Variants in KCNH7 observed in about 807,000 individuals in gnomAD.
KCNH7 encodes the protein voltage-gated inwardly rectifying potassium channel KCNH7.
A neutral mutation model predicts 120.8 loss-of-function variants in KCNH7; 49 were observed. The ratio of observed to expected loss-of-function variants is 0.41; its 90% confidence interval spans 0.32 to 0.51. The LOEUF (loss-of-function observed/expected upper bound fraction) is 0.51. Among genes scored for constraint, KCNH7 ranks in the 20% least tolerant of loss-of-function variants. The pLI is 0.38. For synonymous variants in KCNH7, 547 were observed against 516.1 expected, an observed-to-expected ratio of 1.06 and a Z score of -0.81; for missense variants, 1,097 against 1,446.6, an observed-to-expected ratio of 0.76 and a Z score of 3.92.
chr2:162,790,796 A>G (rs1180837174), intron 2 of KCNH7, among the ~76,000 whole-genome samples: 1 of 152,144 alleles, frequency 6.6e-6, no homozygotes, highest in East Asian at 1.9e-4. Context: ...TTCATAATAA[A>G]AACTCAACAA....
intron 2 of KCNH7, among the ~76,000 whole-genome samples, chr2:162,652,349 A>C (rs1167745168): frequency 6.6e-6 from 1 of 152,130 alleles, no homozygotes; most frequent in African/African-American, 2.4e-5. Flanking sequence ...ATTTTGAAAA[A>C]CAAGTATACA....
chr2:162,682,315 C>G (rs1036163554), intron 2 of KCNH7, among the ~76,000 whole-genome samples: 3 of 151,728 alleles, frequency 2.0e-5, no homozygotes, highest in Admixed American at 6.6e-5. Context: ...AAATCTGTCT[C>G]TCAAAGTTAG....
chr2:162,533,190 C>T (rs964437978), intron 3 of KCNH7, among the ~76,000 whole-genome samples: 6 of 151,406 alleles, frequency 4.0e-5, no homozygotes, highest in East Asian at 2.0e-4. Flanking sequence ...AAAAAAACCC[C>T]GAAACCAGAA....
At chr2:162,743,204 G>A (rs1688199067) in intron 2 of KCNH7, among the ~76,000 whole-genome samples, 1 of 152,138 alleles carries the variant, frequency 6.6e-6, no homozygotes, top group South Asian at 2.1e-4. Context: ...TCTGGCAAGT[G>A]GAACTGAATG....
intron 2 of KCNH7, among the ~76,000 whole-genome samples, chr2:162,742,678 T>C: frequency 6.6e-6 from 1 of 152,196 alleles, no homozygotes; most frequent in East Asian, 1.9e-4. Flanking sequence ...CTTATCCTTT[T>C]CACTCTGCAT....
chr2:162,668,837 C>T (rs1050159123), intron 2 of KCNH7, among the ~76,000 whole-genome samples: 5 of 151,996 alleles, frequency 3.3e-5, no homozygotes, highest in African/African-American at 4.8e-5. Flanking sequence ...TAAAAACCAT[C>T]GTAAGTACAT....
intron 3 of KCNH7, among the ~76,000 whole-genome samples, chr2:162,535,790 T>C (rs899815779): frequency 7.2e-5 from 11 of 151,746 alleles, no homozygotes; most frequent in Admixed American, 5.9e-4. Context: ...ATTTATTGTA[T>C]ATATAAACTG....
In KCNH7 at chr2:162,432,984, A is replaced by G. The variant is rs140980483; in HGVS notation, c.1954+2214T>C. Among the ~76,000 whole-genome samples, 23 of 152,144 alleles carry G rather than the reference A, an allele frequency of 1.5e-4. No individual in the cohort carries two copies. The East Asian group carries it at 4.4e-3, about 29-fold the overall frequency. On this transcript the variant is annotated intron_variant, in intron 8 of 15. Transcript: ENST00000332142. ...GAATCAATGTGCAAAAATTAGTAGC[A>G]TTTCATGAACCAATAATGTTCCAAA...
rs202010096 is a variant in KCNH7, at chr2:162,379,956, A to G, written c.3028T>C (p.Ser1010Pro). 5 of 1,614,058 alleles carry G rather than the reference A, an allele frequency of 3.1e-6. No individual in the cohort carries two copies. The East Asian group carries it at 6.7e-5, about 22-fold the overall frequency. Residue 1010 changes from serine (S) to proline (P), a missense_variant, in exon 14 of 16, where the codon TCT becomes CCT. Around this residue, in one of 8 missense-constraint regions of KCNH7, gnomAD observed 406 missense variants for 410.5 expected, o/e 0.99. Transcript: ENST00000332142. ...CCCCAGGCAGCTCGCTGAAGTGCAG[A>G]TGGACTGGAGTCTTCAGGCTGGGGA... Reference protein sequence around the residue: ...AHPQPEDSSPSALQRAAWGIS... With the variant: ...AHPQPEDSSPPALQRAAWGIS...
Position 162,492,805 on chromosome 2 carries a change from T to C in KCNH7, c.1128+11638A>G, listed in dbSNP as rs549722597. On this transcript the variant is annotated intron_variant, in intron 6 of 15. Coordinates refer to ENST00000332142, the MANE Select transcript of KCNH7 (RefSeq NM_033272.4). ...AAAGTGTACTCAATTTAATTAAAAA[T>C]GGATCTCCAAGCTATAGATATATCT... Among the ~76,000 whole-genome samples the C allele has an allele frequency of 2.0e-5, 3 of 150,380 alleles. No homozygotes were observed. In the East Asian group the frequency reaches 5.9e-4, roughly 30 times the overall value.
chr2:162,481,965 CATCTATCTATCT>C (rs35463005), intron 6 of KCNH7, among the ~76,000 whole-genome samples: 1 of 151,098 alleles, frequency 6.6e-6, no homozygotes, highest in Non-Finnish European at 1.5e-5. Context: ...ATCTATCTAT[CATCTATCTATCT>C]ATCTATCTAT....
chr2:162,517,754 A>C lies in KCNH7; in HGVS notation c.868T>G (p.Phe290Val). Reference protein sequence around the residue: ...EGFGVHPKNIFRDRHASEDNG... With the variant: ...EGFGVHPKNIVRDRHASEDNG... ...CCTTCGCTGGCATGTCGGTCTCTAAATATGTTCTTGGGGTGGACGCCGAAT... is the reference window on the plus strand; with the variant it reads ...CCTTCGCTGGCATGTCGGTCTCTAACTATGTTCTTGGGGTGGACGCCGAAT... The change falls in exon 4 of 16, where the codon TTT (phenylalanine) becomes GTT (valine). Residue 290 changes from phenylalanine to valine, a missense_variant. Transcript: ENST00000332142. The C allele has an allele frequency of 6.3e-7, 1 of 1,575,686 alleles. No individual in the cohort carries two copies. The highest frequency in any genetic ancestry group is 8.7e-7 in the Non-Finnish European group (1 of 1,153,164).
intron 3 of KCNH7, among the ~76,000 whole-genome samples, chr2:162,536,604 T>C (rs1692115206): frequency 6.6e-6 from 1 of 151,946 alleles, no homozygotes; most frequent in African/African-American, 2.4e-5. Flanking sequence ...TGTCCAATAA[T>C]ATACATATGA....
intron 4 of KCNH7, 77 bp from the exon 5 acceptor site, chr2:162,512,751 C>CAG: frequency 9.1e-7 from 1 of 1,097,486 alleles, no homozygotes; most frequent in Non-Finnish European, 1.3e-6. Context: ...ACTGAATTAC[C>CAG]TGTATAAAAA....
At chr2:162,745,798 A>G (rs1688295211) in intron 2 of KCNH7, among the ~76,000 whole-genome samples, 2 of 152,056 alleles carry the variant, frequency 1.3e-5, no homozygotes. Context: ...CATCTCTACA[A>G]TTCTATATGT....
chr2:162,668,442 AC>A (rs1685224184), intron 2 of KCNH7, among the ~76,000 whole-genome samples: 2 of 152,296 alleles, frequency 1.3e-5, no homozygotes, highest in African/African-American at 4.8e-5. Context: ...GAAGGACAAG[AC>A]TTTTCATGAG....
At chr2:162,649,716 G>A (rs1204866902) in intron 2 of KCNH7, among the ~76,000 whole-genome samples, 1 of 152,072 alleles carries the variant, frequency 6.6e-6, no homozygotes, top group African/African-American at 2.4e-5. Flanking sequence ...GAGAGAGAAA[G>A]TGGAATTTTC....
intron 6 of KCNH7, among the ~76,000 whole-genome samples, chr2:162,491,984 A>G (rs1478490701): frequency 6.6e-6 from 1 of 152,134 alleles, no homozygotes; most frequent in Non-Finnish European, 1.5e-5. Context: ...CAAATGGGGA[A>G]AAGTTAAGAT....
At chr2:162,410,933 A>G (rs1687374201) in intron 9 of KCNH7, among the ~76,000 whole-genome samples, 1 of 152,124 alleles carries the variant, frequency 6.6e-6, no homozygotes, top group Admixed American at 6.6e-5. Context: ...GGCTAATATT[A>G]AAAAATCTGA....
Sources: gnomAD v4.1 joint callset for allele counts (sites outside exome capture counted in the v4.1 genomes callset) on GRCh38, gnomAD v4.1.1 for gene constraint, gnomAD v4.1.1 regional missense constraint, MANE v1.5 for transcripts, NCBI Gene and HGNC (gene_info 2026-07-23, HGNC 2026-07-21) for gene names.